Variants in CERS6 observed in about 807,000 individuals in gnomAD.
The protein encoded by CERS6 is ceramide synthase 6, also known as LAG1 homolog, ceramide synthase 6.
CERS6 carries 26 observed loss-of-function variants against 56.8 expected under a neutral mutation model. The ratio of observed to expected loss-of-function variants is 0.46; its 90% confidence interval spans 0.34 to 0.63. The LOEUF is 0.63. Among genes scored for constraint, CERS6 ranks in the 30% least tolerant of loss-of-function variants. CERS6 has a pLI of 0.01. For missense variants in CERS6, 415 were observed against 467.5 expected (o/e 0.89, Z 1.04); for synonymous variants, 164 against 173.3 (o/e 0.95, Z 0.42).
In CERS6 at chr2:168,539,255, G is replaced by GTAT. The variant is rs1384497398; in HGVS notation, c.171-8341_171-8340insTAT. 2.6e-3 allele frequency among the ~76,000 whole-genome samples: 3 copies of GTAT among 1,172 alleles called. 1 individual carries two copies. The highest frequency in any genetic ancestry group is 1 in the Non-Finnish European group (2 of 2). 0.8% of individuals were successfully genotyped at this position (1,172 alleles called of 152,430 possible). Reference sequence around the variant, plus strand: ...GCTGGGATTACAGGCGTGAGCCACCGCGCCCGGCCGAAAATATTGTTTTTA... The same window carrying GTAT: ...GCTGGGATTACAGGCGTGAGCCACCGTATCGCCCGGCCGAAAATATTGTTTTTA... On this transcript the variant is annotated intron_variant, in intron 1 of 9. Transcript: ENST00000305747.
At chr2:168,565,207 GTC>G (rs2105384558) in intron 3 of CERS6, among the ~76,000 whole-genome samples, 1 of 152,282 alleles carries the variant, frequency 6.6e-6, no homozygotes, top group Admixed American at 6.5e-5. Context: ...AAATGTGTGT[GTC>G]ATACTTACTT....
chr2:168,643,741 C>T (rs996011930), intron 4 of CERS6, among the ~76,000 whole-genome samples: 1 of 152,188 alleles, frequency 6.6e-6, no homozygotes, highest in African/African-American at 2.4e-5. Flanking sequence ...TCTTCAAAAT[C>T]TATCACTCTA....
At chr2:168,640,244 T>C (rs1405023014) in intron 4 of CERS6, among the ~76,000 whole-genome samples, 1 of 152,220 alleles carries the variant, frequency 6.6e-6, no homozygotes, top group Non-Finnish European at 1.5e-5. Flanking sequence ...GACCGTGTAC[T>C]TTACCTTAAC....
intron 8 of CERS6, among the ~76,000 whole-genome samples, chr2:168,720,177 G>T (rs193269361): frequency 9.6e-4 from 146 of 151,358 alleles, no homozygotes; most frequent in Non-Finnish European, 1.7e-3. Context: ...TGATCCACCC[G>T]CCTCGGCCTC....
intron 3 of CERS6, among the ~76,000 whole-genome samples, chr2:168,564,191 T>C (rs910838718): frequency 6.6e-6 from 1 of 152,210 alleles, no homozygotes; most frequent in African/African-American, 2.4e-5. Context: ...TCCAAAGCCA[T>C]GTGTACAGTG....
intron 3 of CERS6, among the ~76,000 whole-genome samples, chr2:168,616,938 A>AT (rs1412702668): frequency 2.0e-5 from 3 of 152,236 alleles, no homozygotes; most frequent in Non-Finnish European, 4.4e-5. Context: ...TATGCATTTG[A>AT]TTCATCAGCA....
At chr2:168,572,068 C>G (rs1448866565) in intron 3 of CERS6, among the ~76,000 whole-genome samples, 1 of 152,160 alleles carries the variant, frequency 6.6e-6, no homozygotes, top group Non-Finnish European at 1.5e-5. Context: ...ACTTGGTACA[C>G]CATGACACAC....
At chr2:168,639,687 G>C (rs889199406) in intron 4 of CERS6, among the ~76,000 whole-genome samples, 1 of 151,998 alleles carries the variant, frequency 6.6e-6, no homozygotes, top group African/African-American at 2.4e-5. Flanking sequence ...ATGGGGGTGG[G>C]GTGCTTAGGA....
At chr2:168,723,409 G>C (rs565540580) in intron 8 of CERS6, among the ~76,000 whole-genome samples, 3 of 152,096 alleles carry the variant, frequency 2.0e-5, no homozygotes, top group African/African-American at 7.2e-5. Flanking sequence ...CCTCAGCCCA[G>C]CCAGTATTCA....
At chr2:168,534,122 C>A (rs147166151) in intron 1 of CERS6, among the ~76,000 whole-genome samples, 2,178 of 152,098 alleles carry the variant, frequency 0.014, 173 homozygotes, top group Admixed American at 0.13. Flanking sequence ...CTCCTGTCAC[C>A]TTTTATCAAG....
chr2:168,645,132 TATATATATATAG>T (rs1302519289), intron 4 of CERS6, among the ~76,000 whole-genome samples: 9 of 39,524 alleles, frequency 2.3e-4, no homozygotes, highest in Admixed American at 6.9e-4. Flanking sequence ...TATATATATA[TATATATATATAG>T]AGAGAGAGAG....
chr2:168,656,499 T>C (rs1487160913), intron 4 of CERS6, among the ~76,000 whole-genome samples: 3 of 152,018 alleles, frequency 2.0e-5, no homozygotes, highest in Admixed American at 6.5e-5. Flanking sequence ...GTTCGTGGTC[T>C]CGCTGGCTCA....
At chr2:168,518,089 T>A (rs1694915702) in intron 1 of CERS6, among the ~76,000 whole-genome samples, 1 of 152,244 alleles carries the variant, frequency 6.6e-6, no homozygotes, top group Non-Finnish European at 1.5e-5. Context: ...TAGTCATTGT[T>A]GTTTACGTTG....
At chr2:168,540,534 A>G (rs1695348523) in intron 1 of CERS6, among the ~76,000 whole-genome samples, 1 of 152,220 alleles carries the variant, frequency 6.6e-6, no homozygotes, top group African/African-American at 2.4e-5. Context: ...GCAATAGGCA[A>G]TACCATATAT....
chr2:168,626,154 TA>T (rs1684585584), intron 3 of CERS6, among the ~76,000 whole-genome samples: 1 of 151,932 alleles, frequency 6.6e-6, no homozygotes, highest in Non-Finnish European at 1.5e-5. Context: ...GAAAAAAAAA[TA>T]AAGATGTTGA....
At chr2:168,615,295 GACAAA>G (rs1311295506) in intron 3 of CERS6, among the ~76,000 whole-genome samples, 1 of 152,030 alleles carries the variant, frequency 6.6e-6, no homozygotes, top group Non-Finnish European at 1.5e-5. Context: ...CTGGAAATAT[GACAAA>G]ACAAGTTTCT....
chr2:168,519,068 G>A (rs1694933583), intron 1 of CERS6, among the ~76,000 whole-genome samples: 2 of 152,176 alleles, frequency 1.3e-5, no homozygotes, highest in African/African-American at 2.4e-5. Flanking sequence ...AGATTGTGTT[G>A]TGGAGCAGTG....
chr2:168,620,057 ACACACAT>A (rs1684429447), intron 3 of CERS6, among the ~76,000 whole-genome samples: 1 of 121,570 alleles, frequency 8.2e-6, no homozygotes, highest in Non-Finnish European at 1.8e-5. Flanking sequence ...ACACACACAC[ACACACAT>A]ATTTATATAT....
rs868771556 is a variant in CERS6, at chr2:168,500,777, T to A, written c.170+44159T>A. Among the ~76,000 whole-genome samples, 25 of 152,280 alleles carry A rather than the reference T, an allele frequency of 1.6e-4. No individual in the cohort carries two copies. In the Middle Eastern group the frequency reaches 0.01, roughly 62 times the overall value. On this transcript the variant is annotated intron_variant, in intron 1 of 9. Transcript: ENST00000305747. Reference sequence around the variant, plus strand: ...AAAAGAGCACCTGACTTACAAGAAATGAAATAACAGTGTCCTCAGAGAAAA... The same window carrying A: ...AAAAGAGCACCTGACTTACAAGAAAAGAAATAACAGTGTCCTCAGAGAAAA...
Sources: allele counts gnomAD v4.1 joint callset (sites outside exome capture counted in the v4.1 genomes callset), GRCh38; gene constraint gnomAD v4.1.1; transcripts MANE v1.5; gene names NCBI Gene and HGNC (gene_info 2026-07-23, HGNC 2026-07-21).